SAR1A: variants seen among roughly 807,000 people sequenced by gnomAD.
The protein encoded by SAR1A is small COPII coat GTPase SAR1A.
SAR1A carries 6 observed loss-of-function variants against 22.6 expected under a neutral mutation model. The ratio of observed to expected loss-of-function variants is 0.27; its 90% CI spans 0.15 to 0.52. SAR1A has a LOEUF of 0.52. SAR1A is among the 20% of genes least tolerant of loss of function. The pLI, the probability that SAR1A is intolerant of heterozygous loss-of-function variation, is 0.96. For synonymous variants in SAR1A, 70 were observed against 82.2 expected, an observed-to-expected ratio of 0.85 and a Z score of 0.80; for missense variants, 145 against 245.1, an observed-to-expected ratio of 0.59 and a Z score of 2.73.
Position 70,152,582 on chromosome 10 carries a change from G to C in SAR1A, c.491C>G (p.Thr164Ser). The change falls in exon 7 of 7, where the codon ACC (threonine) becomes AGC (serine). Residue 164 changes from threonine (T) to serine (S), a missense_variant. Physicochemically the swap from Thr to Ser is moderately conservative, Grantham distance 58. Transcript: ENST00000373241. ...GGGGCGAGCATTCAGCTCCTTCAGG[G>C]TCACATTCCCCTAAAGGAGGCAAAA... The part of the protein sequence containing the change: ...YGQTTGKGNV[T>S]LKELNARPME... 6.2e-7 allele frequency: 1 copy of C among 1,613,362 alleles called. No homozygotes were observed. Among genetic ancestry groups the C allele is most frequent in the Non-Finnish European group, 8.5e-7 (1 of 1,179,388 alleles).
intron 4 of SAR1A, among the ~76,000 whole-genome samples, chr10:70,159,824 G>A (rs73273594): frequency 0.02 from 3,004 of 152,222 alleles, 104 homozygotes; most frequent in African/African-American, 0.061. Flanking sequence ...AATGTGAACT[G>A]AGTGCCCATC....
At chr10:70,166,728 T>C (rs1169690772) in intron 1 of SAR1A, 1 of 151,542 alleles carries the variant, frequency 6.6e-6, no homozygotes, top group African/African-American at 2.4e-5. Flanking sequence ...GGCTCACACC[T>C]GTAATCCCAG....
At chr10:70,164,858 T>C (rs1839525312) in intron 1 of SAR1A, among the ~76,000 whole-genome samples, 1 of 152,220 alleles carries the variant, frequency 6.6e-6, no homozygotes, top group Non-Finnish European at 1.5e-5. Flanking sequence ...GATTTGAAGA[T>C]ATTACTGCTC....
intron 1 of SAR1A, among the ~76,000 whole-genome samples, chr10:70,167,270 C>T (rs2394642): frequency 0.035 from 5,355 of 151,906 alleles, 115 homozygotes; most frequent in East Asian, 0.058. Flanking sequence ...ATCTCAGATG[C>T]GGTGCAGAAA....
In SAR1A at chr10:70,152,367, C is replaced by A; in HGVS notation, c.*109G>T. The A allele has an allele frequency of 4.0e-6, 4 of 995,350 alleles. No homozygotes were observed. The highest frequency in any genetic ancestry group is 6.3e-6 in the Non-Finnish European group (4 of 633,472). 61.7% of individuals were successfully genotyped at this position (995,350 alleles called of 1,614,324 possible). A position where few individuals can be genotyped will look rare whatever the true frequency, so the allele number is the denominator to read the frequency against. On this transcript the variant is annotated 3_prime_UTR_variant, in exon 7 of 7. Transcript: ENST00000373241. ...GACAGAGACTCTTGGCTTCTCAACG[C>A]CAGACATGGTTGGAGAGCTTTCCTT...
At chr10:70,169,401 T>A (rs990605531) in intron 1 of SAR1A, among the ~76,000 whole-genome samples, 1 of 152,248 alleles carries the variant, frequency 6.6e-6, no homozygotes, top group African/African-American at 2.4e-5. Flanking sequence ...TTTTCTATTC[T>A]TGGTCCATTG....
At chr10:70,158,125 C>T (rs906744409) in intron 4 of SAR1A, among the ~76,000 whole-genome samples, 7 of 152,182 alleles carry the variant, frequency 4.6e-5, no homozygotes, top group African/African-American at 1.7e-4. Flanking sequence ...CAATCCCATG[C>T]CTACTTATCC....
intron 3 of SAR1A, 73 bp downstream of exon 3, chr10:70,161,546 A>C: frequency 6.4e-7 from 1 of 1,558,864 alleles, no homozygotes; most frequent in Non-Finnish European, 8.7e-7. Context: ...AACTCCACCA[A>C]CTAGGGATTC....
chr10:70,156,504 A>G (rs1839387766), intron 5 of SAR1A, among the ~76,000 whole-genome samples: 1 of 151,950 alleles, frequency 6.6e-6, no homozygotes, highest in African/African-American at 2.4e-5. Context: ...TCTCTACAAA[A>G]ACACTTTTTT....
intron 5 of SAR1A, among the ~76,000 whole-genome samples, chr10:70,154,730 G>A (rs1041263261): frequency 7.9e-5 from 12 of 152,108 alleles, no homozygotes; most frequent in Non-Finnish European, 1.6e-4. Context: ...CAAAATGCTG[G>A]AATTACAGGC....
At chr10:70,162,656 C>T (rs1216163652) in intron 1 of SAR1A, 1 of 152,064 alleles carries the variant, frequency 6.6e-6, no homozygotes, top group Non-Finnish European at 1.5e-5. Context: ...CTATGATACT[C>T]AGAGAACTAG....
At chr10:70,159,389 T>C (rs1391040723) in intron 4 of SAR1A, among the ~76,000 whole-genome samples, 1 of 152,270 alleles carries the variant, frequency 6.6e-6, no homozygotes, top group Non-Finnish European at 1.5e-5. Flanking sequence ...TATTTTACTA[T>C]ACATTTTTTA....
chr10:70,158,757 C>CAGAAAAAAA (rs368054677), intron 4 of SAR1A, among the ~76,000 whole-genome samples: 1 of 125,810 alleles, frequency 7.9e-6, no homozygotes, highest in African/African-American at 2.9e-5. Flanking sequence ...TTAAGTTATA[C>CAGAAAAAAA]AAAAAAAAAA....
At chr10:70,163,313 A>C (rs1282571488) in intron 1 of SAR1A, among the ~76,000 whole-genome samples, 1 of 152,254 alleles carries the variant, frequency 6.6e-6, no homozygotes, top group Non-Finnish European at 1.5e-5. Context: ...TAACTGATGA[A>C]GGTGGGTGGC....
intron 5 of SAR1A, among the ~76,000 whole-genome samples, chr10:70,154,887 G>C (rs1281460363): frequency 6.6e-6 from 1 of 152,198 alleles, no homozygotes; most frequent in Non-Finnish European, 1.5e-5. Context: ...CTTGAGCAAA[G>C]TCTTAGAAAA....
chr10:70,164,037 G>T, intron 1 of SAR1A: 2 of 823,028 alleles, frequency 2.4e-6, no homozygotes, highest in Non-Finnish European at 4.4e-6. Flanking sequence ...GAAGTTAACA[G>T]ATGAAGAAGT....
At chr10:70,167,728 C>T (rs111889391) in intron 1 of SAR1A, among the ~76,000 whole-genome samples, 5,429 of 152,224 alleles carry the variant, frequency 0.036, 118 homozygotes, top group East Asian at 0.058. Context: ...TTATTTTTCA[C>T]GGCCCTTACC....
Position 70,157,453 on chromosome 10 carries a change from G to T in SAR1A, c.348+311C>A, listed in dbSNP as rs1383210703. The stretch of plus-strand genomic sequence containing the variant: ...AACAGAATTACTGTTCATGACACGT[G>T]AAACAGAATACTATTAATTATGCTG... On this transcript the variant is annotated intron_variant, in intron 5 of 6. Coordinates refer to ENST00000373241, the MANE Select transcript of SAR1A (RefSeq NM_020150.5). Among the ~76,000 whole-genome samples, 4 of 149,500 alleles carry T rather than the reference G, an allele frequency of 2.7e-5. 1 individual carries two copies. The South Asian group carries it at 8.4e-4, about 32-fold the overall frequency.
chr10:70,165,820 C>T (rs928274776), intron 1 of SAR1A, among the ~76,000 whole-genome samples: 5 of 152,192 alleles, frequency 3.3e-5, no homozygotes, highest in African/African-American at 1.2e-4. Flanking sequence ...GGGTAAAATG[C>T]TATCAAACAG....
Sources: allele counts gnomAD v4.1 joint callset (sites outside exome capture counted in the v4.1 genomes callset), GRCh38; gene constraint gnomAD v4.1.1; transcripts MANE v1.5; gene names NCBI Gene and HGNC (gene_info 2026-07-23, HGNC 2026-07-21).